Variants in BTBD9 observed in about 807,000 individuals in gnomAD.
BTBD9 encodes BTB/POZ domain-containing protein 9.
Under a neutral mutation model 64.3 loss-of-function variants are expected in BTBD9, and 49 were observed. The observed-to-expected ratio is 0.76, with a 90% CI of 0.61 to 0.97. BTBD9 has a LOEUF of 0.97. Ranked by LOEUF, BTBD9 falls within the 50% of genes least tolerant of loss-of-function variation. The pLI is 0.00. For missense variants in BTBD9, 598 were observed against 762.1 expected, an observed-to-expected ratio of 0.78 and a Z score of 2.53; for synonymous variants, 260 against 274.7, an observed-to-expected ratio of 0.95 and a Z score of 0.53.
chr6:38,520,561 G>C (rs1043269806), intron 6 of BTBD9, among the ~76,000 whole-genome samples: 1 of 152,114 alleles, frequency 6.6e-6, no homozygotes, highest in East Asian at 1.9e-4. Flanking sequence ...TACTTACTAA[G>C]TTTTCTTCAA....
intron 9 of BTBD9, among the ~76,000 whole-genome samples, chr6:38,224,836 T>C (rs1250657512): frequency 6.6e-6 from 1 of 152,224 alleles, no homozygotes; most frequent in Non-Finnish European, 1.5e-5. Context: ...ATATGTGTGT[T>C]AGGTAGTACT....
At chr6:38,572,791 AAT>A (rs1219489447) in intron 6 of BTBD9, among the ~76,000 whole-genome samples, 3 of 151,146 alleles carry the variant, frequency 2.0e-5, no homozygotes, top group East Asian at 3.9e-4. Flanking sequence ...TAGTGGAAAA[AAT>A]ATATATATAT....
intron 6 of BTBD9, among the ~76,000 whole-genome samples, chr6:38,426,528 CCACTGCTGTTTTGCCG>C (rs1768157918): frequency 6.6e-6 from 1 of 151,928 alleles, no homozygotes; most frequent in Non-Finnish European, 1.5e-5. Context: ...TCGCCATCCA[CCACTGCTGTTTTGCCG>C]CCGTCGCAGA....
chr6:38,635,138 T>C (rs746206154), intron 1 of BTBD9, among the ~76,000 whole-genome samples: 4 of 151,978 alleles, frequency 2.6e-5, no homozygotes, highest in African/African-American at 4.8e-5. Context: ...GCTATTTCTT[T>C]TTTTTTTTCT....
At chr6:38,571,240 G>A (rs769544934) in intron 6 of BTBD9, among the ~76,000 whole-genome samples, 14 of 152,184 alleles carry the variant, frequency 9.2e-5, no homozygotes, top group Non-Finnish European at 1.8e-4. Flanking sequence ...AGTGAACACT[G>A]AATAATGTAA....
intron 7 of BTBD9, among the ~76,000 whole-genome samples, chr6:38,328,543 T>C (rs1324906818): frequency 6.8e-6 from 1 of 146,524 alleles, no homozygotes. Flanking sequence ...GAAAAAAATA[T>C]ATTTCGGCCA....
intron 6 of BTBD9, among the ~76,000 whole-genome samples, chr6:38,528,704 G>A (rs1773632377): frequency 1.3e-5 from 2 of 152,162 alleles, no homozygotes; most frequent in Non-Finnish European, 2.9e-5. Context: ...TGAAGGGAAG[G>A]ACCCAGTCCT....
intron 10 of BTBD9, among the ~76,000 whole-genome samples, chr6:38,182,957 A>G (rs899989063): frequency 2.7e-5 from 4 of 150,340 alleles, no homozygotes. Flanking sequence ...ACATTTAAAT[A>G]TAAAGAAGCC....
chr6:38,265,482 C>T (rs1389762367), intron 8 of BTBD9, among the ~76,000 whole-genome samples: 3 of 147,252 alleles, frequency 2.0e-5, no homozygotes, highest in African/African-American at 7.5e-5. Flanking sequence ...AACTTGGAGA[C>T]AATACAAAAC....
chr6:38,398,274 G>A (rs1766772532), intron 6 of BTBD9, among the ~76,000 whole-genome samples: 1 of 152,094 alleles, frequency 6.6e-6, no homozygotes, highest in South Asian at 2.1e-4. Flanking sequence ...ACAGTCTATG[G>A]TTAAAAGATC....
chr6:38,291,220 A>C (rs1356683752), intron 7 of BTBD9, among the ~76,000 whole-genome samples: 1 of 152,220 alleles, frequency 6.6e-6, no homozygotes, highest in African/African-American at 2.4e-5. Context: ...ATCCCTTGTC[A>C]GTTGGATTCC....
At chr6:38,576,430 T>C (rs541729552) in intron 6 of BTBD9, among the ~76,000 whole-genome samples, 4 of 152,324 alleles carry the variant, frequency 2.6e-5, no homozygotes, top group South Asian at 2.1e-4. Context: ...GGTAACAATA[T>C]TGTGTCCGGT....
rs780839087 is a variant in BTBD9 at position 38,594,207 on chromosome 6, C to T, written c.306G>A (p.Leu102=). The change falls in exon 3 of 11, where the codon CTG becomes CTA. Residue 102 remains leucine (L), a synonymous_variant. Transcript: ENST00000481247. ...LKYIYTGRAT[L]TDEKEEVLLD... The stretch of plus-strand genomic sequence containing the variant: ...GCAGCACCTCCTCCTTCTCATCTGT[C>T]AGCGTTGCCCGCCCAGTGTAGATAT... 20 of 1,614,060 alleles carry T rather than the reference C, an allele frequency of 1.2e-5. 1 individual carries two copies. Among genetic ancestry groups the T allele is most frequent in the Middle Eastern group, 3.3e-4 (2 of 6,084 alleles).
chr6:38,508,641 T>C (rs1272545906), intron 6 of BTBD9, among the ~76,000 whole-genome samples: 1 of 152,206 alleles, frequency 6.6e-6, no homozygotes, highest in Non-Finnish European at 1.5e-5. Flanking sequence ...GTCTACAGGA[T>C]AAAATTCAAA....
intron 6 of BTBD9, among the ~76,000 whole-genome samples, chr6:38,464,288 A>G (rs1369172759): frequency 6.6e-6 from 1 of 151,986 alleles, no homozygotes. Context: ...AATTTATGAC[A>G]TATTGTTATG....
At chr6:38,518,334 G>A (rs1773132565) in intron 6 of BTBD9, among the ~76,000 whole-genome samples, 1 of 152,210 alleles carries the variant, frequency 6.6e-6, no homozygotes, top group African/African-American at 2.4e-5. Context: ...GCCCTTTACA[G>A]GCATAGATCT....
intron 6 of BTBD9, among the ~76,000 whole-genome samples, chr6:38,438,231 G>T: frequency 1.1e-5 from 1 of 89,960 alleles, no homozygotes; most frequent in African/African-American, 4.1e-5. Context: ...AGGGAGGGAG[G>T]GAGGGAGGGA....
At chr6:38,433,572 T>G (rs1489691454) in intron 6 of BTBD9, among the ~76,000 whole-genome samples, 1 of 151,746 alleles carries the variant, frequency 6.6e-6, no homozygotes, top group Non-Finnish European at 1.5e-5. Context: ...CCTTTGACTG[T>G]AATTTTCCAC....
At chr6:38,583,590 A>G (rs908003608) in intron 4 of BTBD9, among the ~76,000 whole-genome samples, 4 of 152,364 alleles carry the variant, frequency 2.6e-5, no homozygotes, top group African/African-American at 7.2e-5. Flanking sequence ...TTCTCTAAAC[A>G]TAAGTTTCTT....
Sources: allele counts gnomAD v4.1 joint callset (sites outside exome capture counted in the v4.1 genomes callset), GRCh38; gene constraint gnomAD v4.1.1; transcripts MANE v1.5; gene names NCBI Gene and HGNC (gene_info 2026-07-23, HGNC 2026-07-21).